Variants in CPOX observed in about 807,000 individuals in gnomAD.
CPOX encodes the protein oxygen-dependent coproporphyrinogen-III oxidase, mitochondrial.
Under a neutral mutation model 48.9 loss-of-function variants are expected in CPOX, and 24 were observed. The ratio of observed to expected loss-of-function variants is 0.49; its 90% confidence interval spans 0.36 to 0.69. The LOEUF (loss-of-function observed/expected upper bound fraction) is 0.69, where lower values mean the gene tolerates loss of function less well. CPOX is among the 30% of genes least tolerant of loss of function. The pLI is 0.00. For missense variants in CPOX, 549 were observed against 597.3 expected, an observed-to-expected ratio of 0.92 and a Z score of 0.84; for synonymous variants, 249 against 234.6, an observed-to-expected ratio of 1.06 and a Z score of -0.56.
At chr3:98,574,622 C>T (rs1011335138), downstream of CPOX, among the ~76,000 whole-genome samples, 5 of 152,202 alleles carry the variant, frequency 3.3e-5, no homozygotes, top group African/African-American at 1.2e-4. Flanking sequence ...CGCGCCGTCG[C>T]GCAGGCTGGA....
chr3:98,571,698 A>G, the CPOX span, among the ~76,000 whole-genome samples: 3,632 of 51,602 alleles, frequency 0.07, 181 homozygotes, highest in African/African-American at 0.23. Flanking sequence ...AAAAAAAAAA[A>G]GAAAAAAGAA....
chr3:98,590,362 T>C (rs1707455441), intron 3 of CPOX, among the ~76,000 whole-genome samples: 1 of 152,254 alleles, frequency 6.6e-6, no homozygotes, highest in Non-Finnish European at 1.5e-5. Context: ...TTGGCCAGGC[T>C]GGTCTCAAAC....
intron 4 of CPOX, 52 bp from the exon 5 acceptor site, chr3:98,585,711 T>C (rs1260011617): frequency 1.4e-6 from 2 of 1,379,664 alleles, no homozygotes; most frequent in Admixed American, 1.7e-5. Flanking sequence ...AAAACAGACA[T>C]GAAAATCAAT....
chr3:98,575,068 AATCTT>A (rs1211702569), downstream of CPOX, among the ~76,000 whole-genome samples: 14 of 152,226 alleles, frequency 9.2e-5, no homozygotes, highest in Non-Finnish European at 1.9e-4. Context: ...AAATGGAAGC[AATCTT>A]GAACCGATCT....
downstream of CPOX, among the ~76,000 whole-genome samples, chr3:98,574,786 C>A (rs1169691696): frequency 6.6e-6 from 1 of 152,120 alleles, no homozygotes; most frequent in Non-Finnish European, 1.5e-5. Flanking sequence ...ACCATGTTGG[C>A]CAGGCTGGTC....
chr3:98,586,394 CTT>C (rs1167143225), intron 4 of CPOX, among the ~76,000 whole-genome samples: 5 of 152,248 alleles, frequency 3.3e-5, no homozygotes, highest in East Asian at 1.9e-4. Context: ...TCCAAGCTCT[CTT>C]GAGTGAGTTC....
At chr3:98,573,713 T>C in the CPOX span, among the ~76,000 whole-genome samples, 1 of 152,370 alleles carries the variant, frequency 6.6e-6, no homozygotes, top group East Asian at 1.9e-4. Context: ...ATCTAAATTT[T>C]AGTATCTGAG....
At chr3:98,592,900 T>C in intron 1 of CPOX, 49 bp downstream of exon 1, 1 of 1,568,650 alleles carries the variant, frequency 6.4e-7, no homozygotes, top group Non-Finnish European at 8.7e-7. Flanking sequence ...ACCTGGAACC[T>C]GACCCTTTTT....
intron 3 of CPOX, among the ~76,000 whole-genome samples, chr3:98,589,232 T>A (rs1302992101): frequency 6.6e-6 from 1 of 152,012 alleles, no homozygotes; most frequent in African/African-American, 2.4e-5. Flanking sequence ...GGCAGGAGAA[T>A]CACTTGAACC....
At chr3:98,589,372 A>C (rs1003812902) in intron 3 of CPOX, among the ~76,000 whole-genome samples, 5 of 151,924 alleles carry the variant, frequency 3.3e-5, no homozygotes, top group Admixed American at 1.3e-4. Context: ...GAAAGAAAGA[A>C]AGACAGTGGA....
At chr3:98,592,509 G>A (rs1220931787) in intron 1 of CPOX, among the ~76,000 whole-genome samples, 1 of 152,090 alleles carries the variant, frequency 6.6e-6, no homozygotes, top group Non-Finnish European at 1.5e-5. Context: ...GGCTGGAGGA[G>A]TTTAGCCGAC....
intron 5 of CPOX, among the ~76,000 whole-genome samples, chr3:98,584,776 C>A (rs986709207): frequency 6.6e-6 from 1 of 152,194 alleles, no homozygotes; most frequent in Admixed American, 6.5e-5. Context: ...GCTCACCAGG[C>A]TCACTGCACA....
chr3:98,582,855 T>C (rs1300412505), intron 5 of CPOX, among the ~76,000 whole-genome samples: 3 of 152,210 alleles, frequency 2.0e-5, no homozygotes, highest in Non-Finnish European at 4.4e-5. Context: ...CCTGCAAAAG[T>C]GTAAAGAATT....
chr3:98,586,445 G>A (rs557819211), intron 4 of CPOX, among the ~76,000 whole-genome samples: 1 of 152,084 alleles, frequency 6.6e-6, no homozygotes, highest in South Asian at 2.1e-4. Context: ...CAATCTCTCA[G>A]GTCTCTTTCA....
At chr3:98,571,784 T>C in the CPOX span, among the ~76,000 whole-genome samples, 2 of 152,144 alleles carry the variant, frequency 1.3e-5, no homozygotes, top group Non-Finnish European at 2.9e-5. Context: ...ATTTCCTAGA[T>C]ATGAGTAATT....
chr3:98,581,311 C>T, intron 6 of CPOX, 96 bp downstream of exon 6: 1 of 907,154 alleles, frequency 1.1e-6, no homozygotes, highest in Non-Finnish European at 1.8e-6. Context: ...CTAACAAAGA[C>T]CTAGGCACAA....
At chr3:98,590,426 G>A (rs565171486) in intron 3 of CPOX, 9 of 608,358 alleles carry the variant, frequency 1.5e-5, no homozygotes, top group Admixed American at 1.3e-4. Flanking sequence ...TGGGATTACA[G>A]GTATGAGCCA....
In CPOX at chr3:98,588,713, C is replaced by T. The variant is rs1024614583; in HGVS notation, c.953G>A (p.Trp318Ter). ...ATGAAAGTTCAGTAACTTTACCTAC[C>T]ATTTTTTAAATTTGGGGTAGAGATC... ...GPDLYPKFKK[W>*]CDDYFFIAHR... The change falls in exon 4 of 7, where the codon TGG becomes TAG. Residue 318 changes from tryptophan to a stop codon, truncating the protein, a stop_gained and splice_region_variant. Transcript: ENST00000647941. LOFTEE classifies it high-confidence loss of function. 1 of 1,613,986 alleles carries T rather than the reference C, an allele frequency of 6.2e-7. No individual in the cohort carries two copies. Among genetic ancestry groups the T allele is most frequent in the African/African-American group, 1.3e-5 (1 of 74,888 alleles).
chr3:98,574,869 G>A (rs1422196006), downstream of CPOX, among the ~76,000 whole-genome samples: 3 of 152,136 alleles, frequency 2.0e-5, no homozygotes, highest in Non-Finnish European at 4.4e-5. Context: ...ATGAACCACC[G>A]TGCCCAGCCT....
Sources: gnomAD v4.1 joint callset for allele counts (sites outside exome capture counted in the v4.1 genomes callset) on GRCh38, gnomAD v4.1.1 for gene constraint, MANE v1.5 for transcripts, NCBI Gene and HGNC (gene_info 2026-07-23, HGNC 2026-07-21) for gene names.